The following SLC38A10 variants were observed in gnomAD, a reference collection of about 807,000 sequenced individuals.
SLC38A10 encodes the protein Sodium-coupled neutral amino acid transporter 10.
SLC38A10 carries 53 observed loss-of-function variants against 81.0 expected under a neutral mutation model. That is an observed-to-expected ratio of 0.65 (90% CI 0.53 to 0.82). The LOEUF (loss-of-function observed/expected upper bound fraction) is 0.82. Among genes scored for constraint, SLC38A10 ranks in the 40% least tolerant of loss-of-function variants. The probability of loss-of-function intolerance (pLI) is 0.00; values close to 1 mark genes in which losing one functional copy is unlikely to be tolerated. For missense variants in SLC38A10, 1,471 were observed against 1,545.0 expected, an observed-to-expected ratio of 0.95 and a Z score of 0.80; for synonymous variants, 665 against 655.3, an observed-to-expected ratio of 1.01 and a Z score of -0.23.
At chr17:81,261,100 G>A (rs986254550) in intron 10 of SLC38A10, among the ~76,000 whole-genome samples, 2 of 152,228 alleles carry the variant, frequency 1.3e-5, no homozygotes, top group African/African-American at 2.4e-5. Flanking sequence ...ACTCTTTGCC[G>A]AAGGCTCTCC....
chr17:81,266,633 GA>G (rs1199474840), intron 10 of SLC38A10, among the ~76,000 whole-genome samples: 1 of 148,118 alleles, frequency 6.8e-6, no homozygotes, highest in Non-Finnish European at 1.5e-5. Context: ...AAAAAAAAAA[GA>G]AAAAGAAAAA....
chr17:81,279,947 C>T (rs913350972), intron 6 of SLC38A10: 28 of 298,746 alleles, frequency 9.4e-5, no homozygotes, highest in Middle Eastern at 1.2e-3. Context: ...CATTAGTTTA[C>T]GATTGGCTCA....
intron 11 of SLC38A10, among the ~76,000 whole-genome samples, 192 bp downstream of exon 11, chr17:81,260,046 C>T (rs950098311): frequency 6.6e-6 from 1 of 152,222 alleles, no homozygotes; most frequent in Admixed American, 6.5e-5. Flanking sequence ...TCCCTGCACA[C>T]AGGCAGCCAT....
At position 81,277,422 on chromosome 17, in the gene SLC38A10, G is replaced by C. The variant is rs983316715; in HGVS notation, c.627-289C>G. Among the ~76,000 whole-genome samples, 2 of 152,240 alleles carry C rather than the reference G, an allele frequency of 1.3e-5. No homozygotes were observed. The highest frequency in any genetic ancestry group is 2.9e-5 in the Non-Finnish European group (2 of 68,044). On this transcript the variant is annotated intron_variant, in intron 6 of 15. Transcript: ENST00000374759. This position sits in a 1 kb window ranked among gnomAD's most constrained non-coding sequence, Gnocchi z 4.5. ...CTCCACGCCAGGGAGCGGGTGCTGA[G>C]AGTCAAAGCAGCCAGTTTACAGGGC...
chr17:81,277,894 G>A lies in SLC38A10; in HGVS notation c.627-761C>T, dbSNP rs948274379. Among the ~76,000 whole-genome samples, 6 of 152,180 alleles carry A rather than the reference G, an allele frequency of 3.9e-5. No homozygotes were observed. Among genetic ancestry groups the A allele is most frequent in the African/African-American group, 1.4e-4 (6 of 41,452 alleles). ...GGGCCAGGCACACGCCAGAGCACAG[G>A]TGAGAGCTGCTCTGCCATGGGGCTG... On this transcript the variant is annotated intron_variant, in intron 6 of 15. Coordinates refer to ENST00000374759, the MANE Select transcript of SLC38A10 (RefSeq NM_001037984.3). This position sits in a 1 kb window ranked among gnomAD's most constrained non-coding sequence, Gnocchi z 4.5.
intron 14 of SLC38A10, among the ~76,000 whole-genome samples, chr17:81,249,345 A>G (rs867033828): frequency 0.065 from 87 of 1,340 alleles, no homozygotes; most frequent in Admixed American, 0.12. Context: ...AAGAGGAGGA[A>G]GGAGGGAAGA....
intron 14 of SLC38A10, 139 bp downstream of exon 14, chr17:81,251,354 G>A (rs756388700): frequency 1.8e-5 from 29 of 1,612,784 alleles, no homozygotes; most frequent in Non-Finnish European, 2.4e-5. Flanking sequence ...TCTCCGAGGG[G>A]TCTGCTCAGC....
At chr17:81,294,117 G>A (rs560665966) in intron 1 of SLC38A10, among the ~76,000 whole-genome samples, 1 of 152,182 alleles carries the variant, frequency 6.6e-6, no homozygotes, top group South Asian at 2.1e-4. Context: ...TGAAACCTTC[G>A]CCTCCCAGGT....
At chr17:81,284,994 C>T in intron 2 of SLC38A10, 99 bp from the exon 3 acceptor site, 2 of 1,028,536 alleles carry the variant, frequency 1.9e-6, no homozygotes, top group Non-Finnish European at 2.7e-6. Context: ...TTCACAGAAA[C>T]CCACGGGCCC....
rs537067739 is a variant in SLC38A10 at position 81,281,569 on chromosome 17, G to A, written c.501+620C>T. ...AGGCGGGTGGGTAACAAGGTCAGGA[G>A]TTCGAGACCAGCCTGGCCAAGATGG... On this transcript the variant is annotated intron_variant, in intron 5 of 15. Coordinates refer to ENST00000374759, the MANE Select transcript of SLC38A10 (RefSeq NM_001037984.3). The surrounding 1 kb of genome is among the most constrained non-coding windows in gnomAD (Gnocchi z 5.3). 1.3e-5 allele frequency among the ~76,000 whole-genome samples: 2 copies of A among 152,154 alleles called. No homozygotes were observed. The highest frequency in any genetic ancestry group is 2.1e-4 in the South Asian group (1 of 4,830).
intron 10 of SLC38A10, among the ~76,000 whole-genome samples, chr17:81,269,862 G>A (rs956157063): frequency 1.3e-5 from 2 of 152,082 alleles, no homozygotes; most frequent in Non-Finnish European, 2.9e-5. Flanking sequence ...TACTCAGGAG[G>A]CTGAGGCAGG....
At chr17:81,249,916 G>A (rs541843402) in intron 14 of SLC38A10, among the ~76,000 whole-genome samples, 15 of 152,272 alleles carry the variant, frequency 9.9e-5, no homozygotes, top group African/African-American at 3.1e-4. Context: ...CTGAGGGGCT[G>A]TGGCTGAGCC....
chr17:81,272,566 G>GT lies in SLC38A10; in HGVS notation c.973dup (p.Thr325AsnfsTer115). The stretch of plus-strand genomic sequence containing the variant: ...CATGGTTCCAAACACCACAGAGAGG[G>GT]TAAGTGCTTTAAACCGGAGAGGGGG... On this transcript the variant is annotated frameshift_variant, in exon 9 of 16. Coordinates refer to ENST00000374759, the MANE Select transcript of SLC38A10 (RefSeq NM_001037984.3). LOFTEE classifies it high-confidence loss of function. 1 of 1,598,300 alleles carries GT rather than the reference G, an allele frequency of 6.3e-7. No homozygotes were observed. The highest frequency in any genetic ancestry group is 8.5e-7 in the Non-Finnish European group (1 of 1,173,298).
chr17:81,295,016 C>T lies in SLC38A10; in HGVS notation c.-95G>A. The T allele has an allele frequency of 7.1e-7, 1 of 1,414,862 alleles. No individual in the cohort carries two copies. The allele number at this position is 1,414,862 out of a possible 1,614,324, so 87.6% of individuals were successfully genotyped here. On this transcript the variant is annotated 5_prime_UTR_variant, in exon 1 of 16. Transcript: ENST00000374759. ...CAGCCCGAGGCCACGGTCACAGGTC[C>T]CAACGTCCGGGACGCCGGTGGGGAG...
chr17:81,271,322 C>T (rs961331439), intron 9 of SLC38A10, among the ~76,000 whole-genome samples: 11 of 152,194 alleles, frequency 7.2e-5, no homozygotes, highest in Non-Finnish European at 1.0e-4. Context: ...GCTCCTGCGC[C>T]GCCTCTCCTG....
Position 81,259,680 on chromosome 17 carries a change from T to A in SLC38A10, c.1288+558A>T, listed in dbSNP as rs550093240. ...GTGCCACAGACGGAGGCGTCAGGGT[T>A]ATGGGGCGCTGCGGCCGGGACTCTG... On this transcript the variant is annotated intron_variant, in intron 11 of 15. Coordinates refer to ENST00000374759, the MANE Select transcript of SLC38A10 (RefSeq NM_001037984.3). Among the ~76,000 whole-genome samples, 25 of 152,006 alleles carry A rather than the reference T, an allele frequency of 1.6e-4. No homozygotes were observed. In the South Asian group the frequency reaches 2.3e-3, roughly 14 times the overall value.
In SLC38A10 at chr17:81,252,275, C is replaced by A; in HGVS notation, c.1865G>T (p.Gly622Val). The A allele has an allele frequency of 6.2e-7, 1 of 1,606,146 alleles. No individual in the cohort carries two copies. The highest frequency in any genetic ancestry group is 8.5e-7 in the Non-Finnish European group (1 of 1,175,916). ...SEQQNGLAVG[G>V]GEKAKGGPPP... ...CGGTCCCCCCTTGGCCTTTTCCCCT[C>A]CACCCACCGCCAGGCCGTTCTGCTG... The change falls in exon 13 of 16, where the codon GGA (glycine) becomes GTA (valine). Residue 622 changes from glycine (G) to valine (V), a missense_variant. Gly to Val is a moderately radical substitution (Grantham distance 109). Coordinates refer to ENST00000374759, the MANE Select transcript of SLC38A10 (RefSeq NM_001037984.3).
At chr17:81,269,969 G>GA (rs764139887) in intron 10 of SLC38A10, among the ~76,000 whole-genome samples, 24 of 148,258 alleles carry the variant, frequency 1.6e-4, no homozygotes, top group Admixed American at 8.7e-4. Context: ...TGTCTCAAAA[G>GA]AAAAAAAAAA....
chr17:81,293,275 G>A (rs2063324117), intron 1 of SLC38A10, among the ~76,000 whole-genome samples: 1 of 152,256 alleles, frequency 6.6e-6, no homozygotes, highest in East Asian at 1.9e-4. Flanking sequence ...GGGACATGGA[G>A]TCAGTCCAGA....
Sources: gnomAD v4.1 joint callset for allele counts (sites outside exome capture counted in the v4.1 genomes callset) on GRCh38, gnomAD v4.1.1 for gene constraint, Gnocchi (gnomAD v3.1) non-coding constraint, MANE v1.5 for transcripts, NCBI Gene and HGNC (gene_info 2026-07-23, HGNC 2026-07-21) for gene names.